The following SEMA3A variants were observed in gnomAD, a reference collection of about 807,000 sequenced individuals.
SEMA3A encodes the protein semaphorin 3A.
SEMA3A carries 29 observed loss-of-function variants against 97.9 expected under a neutral mutation model. The ratio of observed to expected loss-of-function variants is 0.30; its 90% CI spans 0.22 to 0.40. The LOEUF is 0.40. SEMA3A is among the 10% of genes least tolerant of loss of function. The pLI is 1.00. For synonymous variants in SEMA3A, 321 were observed against 323.7 expected, an observed-to-expected ratio of 0.99 and a Z score of 0.09; for missense variants, 763 against 951.3, an observed-to-expected ratio of 0.80 and a Z score of 2.60.
chr7:84,323,734 G>A (rs1801708341), intron 2 of SEMA3A, among the ~76,000 whole-genome samples: 1 of 152,122 alleles, frequency 6.6e-6, no homozygotes, highest in Non-Finnish European at 1.5e-5. Flanking sequence ...GTGCGCCTTA[G>A]TCATGCATCA....
chr7:83,964,154 G>T (rs891786648), intron 15 of SEMA3A, among the ~76,000 whole-genome samples: 1 of 152,084 alleles, frequency 6.6e-6, no homozygotes. Context: ...CTCCAATGTG[G>T]TAAATGAAAC....
intron 4 of SEMA3A, among the ~76,000 whole-genome samples, chr7:84,096,582 G>A (rs1411446099): frequency 6.6e-6 from 1 of 151,890 alleles, no homozygotes; most frequent in South Asian, 2.1e-4. Flanking sequence ...CTTCATTTTT[G>A]TCTTAGGATA....
At chr7:84,299,285 TATCTATCTCC>T (rs372524598) in intron 3 of SEMA3A, among the ~76,000 whole-genome samples, 53 of 139,574 alleles carry the variant, frequency 3.8e-4, no homozygotes, top group South Asian at 1.8e-3. Flanking sequence ...TCCATATATA[TATCTATCTCC>T]ATATATATAT....
At chr7:84,297,709 A>G (rs1800905789) in intron 3 of SEMA3A, among the ~76,000 whole-genome samples, 1 of 151,726 alleles carries the variant, frequency 6.6e-6, no homozygotes, top group Admixed American at 6.6e-5. Context: ...AGAAAGAGGG[A>G]GTAGGACAGT....
At chr7:84,404,047 C>T (rs553782436) in intron 1 of SEMA3A, among the ~76,000 whole-genome samples, 2 of 152,152 alleles carry the variant, frequency 1.3e-5, no homozygotes, top group South Asian at 2.1e-4. Context: ...GGACGGAGAA[C>T]GACTTTGAAG....
chr7:84,463,165 T>C (rs975080195), intron 1 of SEMA3A, among the ~76,000 whole-genome samples: 1 of 151,760 alleles, frequency 6.6e-6, no homozygotes, highest in African/African-American at 2.4e-5. Context: ...ACATTCTGCG[T>C]GCATTATTCC....
intron 2 of SEMA3A, 96 bp from the exon 3 acceptor site, chr7:84,129,281 T>A: frequency 2.0e-6 from 2 of 980,930 alleles, no homozygotes; most frequent in Non-Finnish European, 3.2e-6. Flanking sequence ...GCAACTGAAG[T>A]AAAGAAAGTT....
chr7:84,115,472 C>T (rs1003585482), intron 3 of SEMA3A, among the ~76,000 whole-genome samples: 2 of 152,048 alleles, frequency 1.3e-5, no homozygotes, highest in Non-Finnish European at 2.9e-5. Context: ...CACTATAGAC[C>T]ATGCTATTAG....
chr7:84,317,995 T>G (rs955378186), intron 2 of SEMA3A, among the ~76,000 whole-genome samples: 2 of 152,150 alleles, frequency 1.3e-5, no homozygotes, highest in African/African-American at 4.8e-5. Flanking sequence ...AAAAGAGTTG[T>G]CCATAAAATG....
At chr7:84,365,010 C>G (rs1299431070) in intron 2 of SEMA3A, among the ~76,000 whole-genome samples, 3 of 151,292 alleles carry the variant, frequency 2.0e-5, no homozygotes, top group African/African-American at 7.3e-5. Context: ...GCAATAGGAC[C>G]CTGCCTTACC....
chr7:83,976,352 A>G (rs190467569), intron 15 of SEMA3A, among the ~76,000 whole-genome samples: 1 of 152,294 alleles, frequency 6.6e-6, no homozygotes. Context: ...TTAAGTGACA[A>G]TGTTTACATT....
chr7:84,104,915 A>G (rs904863018), intron 4 of SEMA3A, among the ~76,000 whole-genome samples: 2 of 152,182 alleles, frequency 1.3e-5, no homozygotes, highest in Non-Finnish European at 2.9e-5. Flanking sequence ...CTATCTTCCA[A>G]CATGATTCAA....
At chr7:84,184,413 CG>C (rs1434679268) in intron 1 of SEMA3A, among the ~76,000 whole-genome samples, 5 of 152,086 alleles carry the variant, frequency 3.3e-5, no homozygotes, top group Non-Finnish European at 7.4e-5. Flanking sequence ...TGGGCCAGTG[CG>C]GGAGAGCCTA....
chr7:84,314,766 T>TC (rs1801451487), intron 2 of SEMA3A, among the ~76,000 whole-genome samples: 1 of 152,146 alleles, frequency 6.6e-6, no homozygotes, highest in Non-Finnish European at 1.5e-5. Flanking sequence ...CAATGCTTGT[T>TC]TTAGACAAGA....
Position 83,961,099 on chromosome 7 carries a change from G to C in SEMA3A, c.*272C>G. On this transcript the variant is annotated 3_prime_UTR_variant, in exon 17 of 17. Transcript: ENST00000265362. Reference sequence around the variant, plus strand: ...TCAGGCAAAGAAGAAAGACAAACCTGTACAGTGAAATCTCATAGGAAACAT... The same window carrying C: ...TCAGGCAAAGAAGAAAGACAAACCTCTACAGTGAAATCTCATAGGAAACAT... The C allele has an allele frequency of 2.2e-6, 1 of 447,764 alleles. No homozygotes were observed. Among genetic ancestry groups the C allele is most frequent in the East Asian group, 4.5e-5 (1 of 22,062 alleles). 27.7% of individuals were successfully genotyped at this position (447,764 alleles called of 1,614,324 possible).
chr7:84,157,688 C>T (rs1449573687), intron 1 of SEMA3A, among the ~76,000 whole-genome samples: 1 of 152,168 alleles, frequency 6.6e-6, no homozygotes, highest in Non-Finnish European at 1.5e-5. Flanking sequence ...TTTGGAAAGT[C>T]ATTGTTAACT....
At chr7:84,340,319 G>T (rs186441030) in intron 2 of SEMA3A, among the ~76,000 whole-genome samples, 84 of 152,112 alleles carry the variant, frequency 5.5e-4, no homozygotes, top group African/African-American at 1.9e-3. Flanking sequence ...GTAATTAAAA[G>T]ATATTTTTCA....
intron 1 of SEMA3A, among the ~76,000 whole-genome samples, chr7:84,413,168 A>G (rs1804320343): frequency 6.6e-6 from 1 of 152,094 alleles, no homozygotes; most frequent in Admixed American, 6.6e-5. Context: ...TTCATAACTG[A>G]TGCAGTTATG....
intron 12 of SEMA3A, among the ~76,000 whole-genome samples, chr7:83,985,971 C>G (rs534459133): frequency 6.6e-6 from 1 of 152,118 alleles, no homozygotes; most frequent in African/African-American, 2.4e-5. Flanking sequence ...CAATAACTTG[C>G]GATAAGCAGG....
Sources: allele counts gnomAD v4.1 joint callset (sites outside exome capture counted in the v4.1 genomes callset), GRCh38; gene constraint gnomAD v4.1.1; transcripts MANE v1.5; gene names NCBI Gene and HGNC (gene_info 2026-07-23, HGNC 2026-07-21).